Variants in ARHGAP10 observed in about 807,000 individuals in gnomAD.
ARHGAP10 encodes Rho GTPase activating protein 10.
In ARHGAP10, 87 loss-of-function variants were observed where a neutral mutation model predicts 108.6. The ratio of observed to expected loss-of-function variants is 0.80; its 90% CI spans 0.67 to 0.96. The LOEUF (loss-of-function observed/expected upper bound fraction) is 0.96, where lower values mean the gene tolerates loss of function less well. ARHGAP10 is among the 40% of genes least tolerant of loss of function. The pLI, the probability that ARHGAP10 is intolerant of heterozygous loss-of-function variation, is 0.00. For synonymous variants in ARHGAP10, 347 were observed against 341.1 expected (o/e 1.02, Z -0.19); for missense variants, 939 against 954.5 (o/e 0.98, Z 0.21).
intron 19 of ARHGAP10, among the ~76,000 whole-genome samples, chr4:148,042,070 A>AT (rs1367062092): frequency 8.6e-5 from 13 of 151,954 alleles, no homozygotes; most frequent in Admixed American, 2.0e-4. Context: ...TGCCACGTGG[A>AT]TTTTTTATTG....
intron 3 of ARHGAP10, among the ~76,000 whole-genome samples, chr4:147,837,146 C>T (rs1733204023): frequency 1.3e-5 from 2 of 151,954 alleles, no homozygotes; most frequent in South Asian, 4.2e-4. Flanking sequence ...TAAACTTGAG[C>T]CTAGAATGAT....
chr4:147,911,631 G>T (rs1360721515), intron 12 of ARHGAP10, among the ~76,000 whole-genome samples: 2 of 42,642 alleles, frequency 4.7e-5, no homozygotes, highest in East Asian at 4.7e-4. Flanking sequence ...CAAAGTGCTG[G>T]GATTACAGGC....
intron 18 of ARHGAP10, among the ~76,000 whole-genome samples, chr4:148,015,575 T>C (rs1741315125): frequency 6.6e-6 from 1 of 152,204 alleles, no homozygotes; most frequent in Non-Finnish European, 1.5e-5. Context: ...TTAAATTTTC[T>C]AGAAAAGACC....
At chr4:147,923,232 A>G (rs1200083347) in intron 13 of ARHGAP10, among the ~76,000 whole-genome samples, 1 of 152,182 alleles carries the variant, frequency 6.6e-6, no homozygotes, top group Admixed American at 6.5e-5. Context: ...AAAGTACATC[A>G]TGTTATGTGT....
chr4:147,749,433 G>A (rs545550377), intron 1 of ARHGAP10, among the ~76,000 whole-genome samples: 60 of 152,254 alleles, frequency 3.9e-4, no homozygotes, highest in African/African-American at 1.3e-3. Flanking sequence ...AAGAAACAAA[G>A]CATTGTTAAG....
intron 1 of ARHGAP10, among the ~76,000 whole-genome samples, chr4:147,797,190 C>T (rs1304714877): frequency 2.0e-5 from 3 of 152,050 alleles, no homozygotes; most frequent in Non-Finnish European, 4.4e-5. Flanking sequence ...TATTCAATGT[C>T]CTCAAAGTTA....
intron 1 of ARHGAP10, among the ~76,000 whole-genome samples, chr4:147,806,968 T>C (rs551078174): frequency 6.6e-5 from 10 of 152,354 alleles, no homozygotes; most frequent in African/African-American, 1.4e-4. Flanking sequence ...AAGTCTCTAG[T>C]AAGCGTGAAA....
chr4:147,742,488 T>A (rs1341547079), intron 1 of ARHGAP10, among the ~76,000 whole-genome samples: 78 of 140,714 alleles, frequency 5.5e-4, no homozygotes, highest in African/African-American at 1.9e-3. Flanking sequence ...TTTTTTTTTT[T>A]TTTTTTTTTT....
chr4:147,945,476 A>C (rs1578719272), intron 14 of ARHGAP10, among the ~76,000 whole-genome samples: 1 of 152,362 alleles, frequency 6.6e-6, no homozygotes, highest in East Asian at 1.9e-4. Context: ...ATGAATGTCT[A>C]GAGTGTTGAA....
At chr4:148,037,200 C>G (rs539862113) in intron 19 of ARHGAP10, among the ~76,000 whole-genome samples, 6 of 152,300 alleles carry the variant, frequency 3.9e-5, no homozygotes, top group African/African-American at 1.2e-4. Context: ...AGTAAGAAAT[C>G]ATAAGCTGTT....
intron 13 of ARHGAP10, among the ~76,000 whole-genome samples, chr4:147,929,761 G>C (rs772865275): frequency 5.3e-5 from 8 of 151,966 alleles, no homozygotes; most frequent in Admixed American, 2.6e-4. Flanking sequence ...TCATTTTCAA[G>C]AATATTTCAA....
At chr4:147,980,067 A>G (rs2149626339) in intron 18 of ARHGAP10, among the ~76,000 whole-genome samples, 1 of 152,270 alleles carries the variant, frequency 6.6e-6, no homozygotes, top group East Asian at 1.9e-4. Flanking sequence ...GACTTCTAGT[A>G]TGTTGAATAG....
At chr4:147,768,039 G>T (rs921578159) in intron 1 of ARHGAP10, among the ~76,000 whole-genome samples, 2 of 152,180 alleles carry the variant, frequency 1.3e-5, no homozygotes, top group African/African-American at 2.4e-5. Flanking sequence ...TTTGTTAATG[G>T]ACTATTCCGG....
intron 16 of ARHGAP10, among the ~76,000 whole-genome samples, chr4:147,959,836 G>A (rs919351846): frequency 6.6e-6 from 1 of 152,148 alleles, no homozygotes; most frequent in Non-Finnish European, 1.5e-5. Flanking sequence ...GTGGGAAACT[G>A]TTTCTCTAGC....
chr4:147,948,898 G>A (rs553967948), intron 15 of ARHGAP10, among the ~76,000 whole-genome samples: 33 of 151,536 alleles, frequency 2.2e-4, no homozygotes, highest in African/African-American at 7.0e-4. Flanking sequence ...CCCAGGAGGC[G>A]GAGCTTGCAG....
chr4:147,968,830 T>C (rs542795899), intron 18 of ARHGAP10, among the ~76,000 whole-genome samples: 5 of 152,296 alleles, frequency 3.3e-5, no homozygotes, highest in African/African-American at 9.6e-5. Flanking sequence ...ATGCCAGACA[T>C]GTAGTAGGTG....
intron 18 of ARHGAP10, among the ~76,000 whole-genome samples, chr4:148,002,144 G>T (rs1390107057): frequency 6.6e-6 from 1 of 152,146 alleles, no homozygotes; most frequent in Non-Finnish European, 1.5e-5. Context: ...TTTTGTCAAA[G>T]ACCTTTTTTG....
chr4:147,740,135 G>C (rs866980024), intron 1 of ARHGAP10, among the ~76,000 whole-genome samples: 1 of 148,534 alleles, frequency 6.7e-6, no homozygotes, highest in Admixed American at 6.9e-5. Context: ...TGCAACCTCC[G>C]CCTCCCAGGT....
intron 1 of ARHGAP10, among the ~76,000 whole-genome samples, chr4:147,812,653 A>G (rs185249414): frequency 6.6e-6 from 1 of 152,254 alleles, no homozygotes; most frequent in East Asian, 1.9e-4. Context: ...GATTATTCAC[A>G]TACATTTTAC....
Sources: allele counts gnomAD v4.1 joint callset (sites outside exome capture counted in the v4.1 genomes callset), GRCh38; gene constraint gnomAD v4.1.1; transcripts MANE v1.5; gene names NCBI Gene and HGNC (gene_info 2026-07-23, HGNC 2026-07-21).